PPP1R9A: variants seen among roughly 807,000 people sequenced by gnomAD.
PPP1R9A encodes protein phosphatase 1 regulatory subunit 9A.
Under a neutral mutation model 141.9 loss-of-function variants are expected in PPP1R9A, and 59 were observed. The ratio of observed to expected loss-of-function variants is 0.42; its 90% CI spans 0.34 to 0.52. The LOEUF (loss-of-function observed/expected upper bound fraction) is 0.52, where lower values mean the gene tolerates loss of function less well. Ranked by LOEUF, PPP1R9A falls within the 20% of genes least tolerant of loss-of-function variation. The probability of loss-of-function intolerance (pLI) is 0.10; values close to 1 mark genes in which losing one functional copy is unlikely to be tolerated. For missense variants in PPP1R9A, 1,444 were observed against 1,611.9 expected (o/e 0.90, Z 1.78); for synonymous variants, 500 against 569.7 (o/e 0.88, Z 1.74).
At chr7:95,256,991 TAATC>T (rs1363658764) in intron 12 of PPP1R9A, among the ~76,000 whole-genome samples, 1 of 152,136 alleles carries the variant, frequency 6.6e-6, no homozygotes, top group Non-Finnish European at 1.5e-5. Flanking sequence ...TATGCAAAAT[TAATC>T]TATATATCCC....
chr7:94,926,045 C>G (rs1403999484), intron 2 of PPP1R9A, among the ~76,000 whole-genome samples: 1 of 152,054 alleles, frequency 6.6e-6, no homozygotes, highest in Non-Finnish European at 1.5e-5. Flanking sequence ...TCAGGCTAGT[C>G]TGGAACTCCT....
At chr7:95,270,277 C>T (rs867709178) in intron 14 of PPP1R9A, among the ~76,000 whole-genome samples, 9 of 152,234 alleles carry the variant, frequency 5.9e-5, no homozygotes, top group Middle Eastern at 3.4e-3. Context: ...ATGGCTTCAT[C>T]ATTGGTTGCC....
chr7:95,068,804 A>G (rs1400581218), intron 2 of PPP1R9A, among the ~76,000 whole-genome samples: 1 of 152,160 alleles, frequency 6.6e-6, no homozygotes, highest in Non-Finnish European at 1.5e-5. Flanking sequence ...GAGGGGACCT[A>G]GGCCCAGCAG....
At chr7:95,157,585 C>T (rs1349513347) in intron 4 of PPP1R9A, among the ~76,000 whole-genome samples, 1 of 152,228 alleles carries the variant, frequency 6.6e-6, no homozygotes, top group Non-Finnish European at 1.5e-5. Context: ...CTCCCTGCTG[C>T]AGTCGGCGTG....
In PPP1R9A at chr7:94,978,950, C is replaced by T. The variant is rs181291587; in HGVS notation, c.1395+67442C>T. On this transcript the variant is annotated intron_variant, in intron 2 of 19. Coordinates refer to ENST00000433360, the MANE Select transcript of PPP1R9A (RefSeq NM_001166160.2). ...TAGCTAGGATTACAGGCATGTGCCA[C>T]CAGGCCCAGCTAATTTTTGTATTTT... 5.3e-5 allele frequency among the ~76,000 whole-genome samples: 8 copies of T among 152,246 alleles called. No homozygotes were observed. The East Asian group carries it at 1.5e-3, about 29-fold the overall frequency.
intron 16 of PPP1R9A, among the ~76,000 whole-genome samples, chr7:95,279,503 T>G (rs1239670741): frequency 6.6e-6 from 1 of 152,198 alleles, no homozygotes; most frequent in African/African-American, 2.4e-5. Flanking sequence ...TCTAGCCCAT[T>G]TTTAGCTGCA....
At chr7:95,239,865 A>G (rs1797199256) in intron 8 of PPP1R9A, among the ~76,000 whole-genome samples, 1 of 150,280 alleles carries the variant, frequency 6.7e-6, no homozygotes, top group South Asian at 2.1e-4. Context: ...TGAATGTTTC[A>G]TATGGAAGAT....
intron 13 of PPP1R9A, 129 bp from the exon 14 acceptor site, chr7:95,269,078 T>C (rs1164918057): frequency 1.2e-6 from 1 of 841,140 alleles, no homozygotes; most frequent in African/African-American, 1.7e-5. Flanking sequence ...TGCATTCTCA[T>C]CTGTAAATCA....
chr7:95,053,121 T>G (rs950355678), intron 2 of PPP1R9A, among the ~76,000 whole-genome samples: 1 of 152,188 alleles, frequency 6.6e-6, no homozygotes, highest in Non-Finnish European at 1.5e-5. Context: ...ACGACTTCCC[T>G]CCATCCTCAC....
intron 2 of PPP1R9A, among the ~76,000 whole-genome samples, chr7:95,022,205 T>A (rs1806074948): frequency 6.6e-6 from 1 of 152,188 alleles, no homozygotes; most frequent in Non-Finnish European, 1.5e-5. Flanking sequence ...TAAGTTATAT[T>A]CCTAGGTATT....
chr7:95,030,328 A>T (rs147383340), intron 2 of PPP1R9A, among the ~76,000 whole-genome samples: 3 of 152,180 alleles, frequency 2.0e-5, no homozygotes, highest in South Asian at 2.1e-4. Flanking sequence ...TTCAAATGTT[A>T]TCTTAGTTCA....
At position 95,025,632 on chromosome 7, in the gene PPP1R9A, G is replaced by A. The variant is rs187509880; in HGVS notation, c.1396-85627G>A. On this transcript the variant is annotated intron_variant, in intron 2 of 19. Coordinates refer to ENST00000433360, the MANE Select transcript of PPP1R9A (RefSeq NM_001166160.2). ...AAATGTTGGCCTGTCTTGCTAGGTTGGGCAAGTTCTCCTGGATAAAATCCT... is the reference window on the plus strand; with the variant it reads ...AAATGTTGGCCTGTCTTGCTAGGTTAGGCAAGTTCTCCTGGATAAAATCCT... 1.6e-4 allele frequency among the ~76,000 whole-genome samples: 24 copies of A among 152,176 alleles called. No individual in the cohort carries two copies. The East Asian group carries it at 3.7e-3, about 23-fold the overall frequency.
chr7:95,148,802 C>T (rs1828113717), intron 4 of PPP1R9A, among the ~76,000 whole-genome samples: 1 of 152,024 alleles, frequency 6.6e-6, no homozygotes, highest in Non-Finnish European at 1.5e-5. Context: ...CCAATCCTCT[C>T]CTATCTCTTC....
intron 2 of PPP1R9A, among the ~76,000 whole-genome samples, chr7:95,048,220 T>C (rs1179664898): frequency 6.6e-6 from 1 of 152,192 alleles, no homozygotes; most frequent in African/African-American, 2.4e-5. Flanking sequence ...ATAGTTAGCA[T>C]CTATTAAGTC....
At chr7:95,134,114 G>A (rs1486621070) in intron 4 of PPP1R9A, among the ~76,000 whole-genome samples, 1 of 152,054 alleles carries the variant, frequency 6.6e-6, no homozygotes, top group Non-Finnish European at 1.5e-5. Flanking sequence ...TGGCACATAG[G>A]CACCTTGGAA....
intron 3 of PPP1R9A, among the ~76,000 whole-genome samples, chr7:95,116,325 C>A: frequency 6.6e-6 from 1 of 151,972 alleles, no homozygotes; most frequent in Non-Finnish European, 1.5e-5. Context: ...ATATTCATAT[C>A]CATATCTATC....
In PPP1R9A at chr7:94,930,893, A is replaced by G. The variant is rs373203741; in HGVS notation, c.1395+19385A>G. Among the ~76,000 whole-genome samples, 170 of 152,340 alleles carry G rather than the reference A, an allele frequency of 1.1e-3. 4 individuals carry two copies. The South Asian group carries it at 0.034, about 30-fold the overall frequency. ...AGAGCTGTGCACAAGGTCATGGCAGATTTGGAATCAGAGATGAGGTCCTGA... is the reference window on the plus strand; with the variant it reads ...AGAGCTGTGCACAAGGTCATGGCAGGTTTGGAATCAGAGATGAGGTCCTGA... On this transcript the variant is annotated intron_variant, in intron 2 of 19. Transcript: ENST00000433360.
chr7:95,239,115 G>A (rs1305401392), intron 8 of PPP1R9A, among the ~76,000 whole-genome samples: 1 of 152,102 alleles, frequency 6.6e-6, no homozygotes, highest in Admixed American at 6.6e-5. Flanking sequence ...AAAGTGACAC[G>A]ATGTGTTTTA....
intron 2 of PPP1R9A, among the ~76,000 whole-genome samples, chr7:94,919,055 G>A (rs1382932048): frequency 2.0e-5 from 3 of 152,190 alleles, no homozygotes; most frequent in Admixed American, 1.3e-4. Flanking sequence ...ACTCCCTTGC[G>A]TGGGACACCG....
Sources: allele counts gnomAD v4.1 joint callset (sites outside exome capture counted in the v4.1 genomes callset), GRCh38; gene constraint gnomAD v4.1.1; transcripts MANE v1.5; gene names NCBI Gene and HGNC (gene_info 2026-07-23, HGNC 2026-07-21).